The following EXOC6 variants were observed in gnomAD, a reference collection of about 807,000 sequenced individuals.
EXOC6 encodes the protein exocyst complex component 6.
Under a neutral mutation model 112.5 loss-of-function variants are expected in EXOC6, and 60 were observed. The observed-to-expected ratio is 0.53, with a 90% confidence interval of 0.43 to 0.66. The LOEUF is 0.66. EXOC6 is among the 30% of genes least tolerant of loss of function. The pLI is 0.00. For missense variants in EXOC6, 855 were observed against 957.1 expected (o/e 0.89, Z 1.41); for synonymous variants, 295 against 308.0 (o/e 0.96, Z 0.44).
upstream of EXOC6, among the ~76,000 whole-genome samples, chr10:92,833,669 T>G (rs1014135703): frequency 6.6e-6 from 1 of 152,122 alleles, no homozygotes; most frequent in Non-Finnish European, 1.5e-5. Context: ...TGGTCAGAGC[T>G]TTTAAAAAAG....
chr10:92,995,376 C>T (rs1843442146), intron 18 of EXOC6, among the ~76,000 whole-genome samples: 1 of 150,832 alleles, frequency 6.6e-6, no homozygotes, highest in African/African-American at 2.4e-5. Flanking sequence ...AACAATACCA[C>T]TTATATTGTA....
At chr10:92,951,126 T>C (rs1473430870) in intron 14 of EXOC6, among the ~76,000 whole-genome samples, 1 of 152,190 alleles carries the variant, frequency 6.6e-6, no homozygotes, top group Non-Finnish European at 1.5e-5. Context: ...CACTTTTGGA[T>C]CTATTGAGTA....
At chr10:92,949,958 A>C (rs1282734735) in intron 14 of EXOC6, among the ~76,000 whole-genome samples, 3 of 152,182 alleles carry the variant, frequency 2.0e-5, no homozygotes, top group Non-Finnish European at 4.4e-5. Flanking sequence ...CATCTGTCAA[A>C]TGAGGAGTTT....
At chr10:92,872,299 CTTT>C (rs1025371971) in intron 1 of EXOC6, among the ~76,000 whole-genome samples, 1 of 151,814 alleles carries the variant, frequency 6.6e-6, no homozygotes, top group Non-Finnish European at 1.5e-5. Flanking sequence ...TATGGAGAGT[CTTT>C]TTTATTTGTT....
chr10:92,928,272 G>T, intron 8 of EXOC6, 67 bp from the exon 9 acceptor site: 1 of 781,752 alleles, frequency 1.3e-6, no homozygotes, highest in South Asian at 1.8e-5. Context: ...TTGGGGTAAA[G>T]AAGTATCTGT....
intron 18 of EXOC6, among the ~76,000 whole-genome samples, chr10:92,982,998 A>G (rs1842880635): frequency 1.3e-5 from 2 of 152,232 alleles, no homozygotes; most frequent in Non-Finnish European, 2.9e-5. Flanking sequence ...TTATTTGGAT[A>G]GAAATGGATA....
intron 18 of EXOC6, among the ~76,000 whole-genome samples, chr10:92,996,345 A>G (rs1843482457): frequency 6.6e-6 from 1 of 152,172 alleles, no homozygotes; most frequent in Non-Finnish European, 1.5e-5. Context: ...TCTAGTTGAA[A>G]TGCAAAACCT....
intron 4 of EXOC6, among the ~76,000 whole-genome samples, chr10:92,896,756 A>G (rs1210603395): frequency 3.3e-5 from 5 of 151,934 alleles, no homozygotes; most frequent in Non-Finnish European, 7.4e-5. Flanking sequence ...GGGTTTCACC[A>G]TGTTGGGCAG....
At chr10:93,037,637 G>A (rs1467652419) in intron 20 of EXOC6, among the ~76,000 whole-genome samples, 4 of 151,780 alleles carry the variant, frequency 2.6e-5, no homozygotes, top group African/African-American at 7.3e-5. Flanking sequence ...GCAGGGTTTC[G>A]CCATTTTGGC....
chr10:92,994,694 T>C (rs763243382), intron 18 of EXOC6, among the ~76,000 whole-genome samples: 11 of 152,054 alleles, frequency 7.2e-5, no homozygotes, highest in Non-Finnish European at 1.6e-4. Context: ...AAAGGGCTAG[T>C]TTTTAAAAGA....
chr10:93,046,180 A>T (rs1484467073), intron 20 of EXOC6, among the ~76,000 whole-genome samples: 1 of 152,242 alleles, frequency 6.6e-6, no homozygotes, highest in Admixed American at 6.5e-5. Flanking sequence ...GAAGATACAG[A>T]TACTAAGCAA....
intron 1 of EXOC6, among the ~76,000 whole-genome samples, chr10:92,837,718 A>T (rs1256105443): frequency 6.6e-6 from 1 of 152,136 alleles, no homozygotes; most frequent in Non-Finnish European, 1.5e-5. Flanking sequence ...AAGGGTTGAG[A>T]GGGTGGAAAA....
At chr10:92,975,393 G>A (rs2134095689) in intron 18 of EXOC6, among the ~76,000 whole-genome samples, 1 of 150,986 alleles carries the variant, frequency 6.6e-6, no homozygotes, top group Admixed American at 6.6e-5. Context: ...TGAGAAGTGA[G>A]GAGCCCCTCC....
upstream of EXOC6, among the ~76,000 whole-genome samples, chr10:92,832,425 C>T (rs1181778516): frequency 6.6e-6 from 1 of 152,008 alleles, no homozygotes; most frequent in Admixed American, 6.6e-5. Flanking sequence ...TTACAGGCGT[C>T]CGCCACCACA....
At chr10:93,022,885 T>C (rs2134263756) in intron 20 of EXOC6, among the ~76,000 whole-genome samples, 1 of 152,208 alleles carries the variant, frequency 6.6e-6, no homozygotes, top group South Asian at 2.1e-4. Context: ...AGCTATTTCA[T>C]AGCATATTGC....
chr10:93,025,888 G>A (rs962038777), intron 20 of EXOC6, among the ~76,000 whole-genome samples: 19 of 152,264 alleles, frequency 1.2e-4, no homozygotes, highest in Middle Eastern at 3.4e-3. Context: ...CCCACACTGT[G>A]CCTCTTTCTA....
chr10:93,035,629 C>T lies in EXOC6; in HGVS notation c.2170-21295C>T, dbSNP rs188090999. Among the ~76,000 whole-genome samples the T allele has an allele frequency of 7.2e-5, 11 of 152,190 alleles. No homozygotes were observed. The East Asian group carries it at 9.7e-4, about 13-fold the overall frequency. On this transcript the variant is annotated intron_variant, in intron 20 of 21. Transcript: ENST00000260762. ...CAACACTTAGGGAGGTTGAGGTGAG[C>T]GGATCACTTGAGGCCAGGAGCTCTA...
At chr10:92,903,807 G>A (rs565333236) in intron 5 of EXOC6, among the ~76,000 whole-genome samples, 2 of 152,028 alleles carry the variant, frequency 1.3e-5, no homozygotes, top group East Asian at 1.9e-4. Flanking sequence ...TGACACATAA[G>A]TATTTACCAG....
rs116513781 is a variant in EXOC6, at chr10:92,887,179, C to G, written c.102-6170C>G. Among the ~76,000 whole-genome samples the G allele has an allele frequency of 6.1e-3, 935 of 152,220 alleles. 9 individuals carry two copies. The highest frequency in any genetic ancestry group is 0.021 in the African/African-American group (884 of 41,542). ...ATAAGTTCTGCTATACATACTGTGTCAAGAGATTCTTGGGATAAGAGTAGC... is the reference window on the plus strand; with the variant it reads ...ATAAGTTCTGCTATACATACTGTGTGAAGAGATTCTTGGGATAAGAGTAGC... On this transcript the variant is annotated intron_variant, in intron 1 of 21. Transcript: ENST00000260762.
Sources: allele counts gnomAD v4.1 joint callset (sites outside exome capture counted in the v4.1 genomes callset), GRCh38; gene constraint gnomAD v4.1.1; transcripts MANE v1.5; gene names NCBI Gene and HGNC (gene_info 2026-07-23, HGNC 2026-07-21).